Variants in PDE4B observed in about 807,000 individuals in gnomAD.
The protein encoded by PDE4B is phosphodiesterase 4B, also known as 3',5'-cyclic-AMP phosphodiesterase 4B.
PDE4B carries 20 observed loss-of-function variants against 82.2 expected under a neutral mutation model. That is an observed-to-expected ratio of 0.24 (90% CI 0.17 to 0.35). The LOEUF (loss-of-function observed/expected upper bound fraction) is 0.35, where lower values mean the gene tolerates loss of function less well. PDE4B is among the 10% of genes least tolerant of loss of function. The pLI, the probability that PDE4B is intolerant of heterozygous loss-of-function variation, is 1.00. For synonymous variants in PDE4B, 320 were observed against 318.9 expected, an observed-to-expected ratio of 1.00 and a Z score of -0.04; for missense variants, 655 against 907.2, an observed-to-expected ratio of 0.72 and a Z score of 3.57.
chr1:66,033,060 T>C (rs551343804), intron 3 of PDE4B, among the ~76,000 whole-genome samples: 1 of 152,316 alleles, frequency 6.6e-6, no homozygotes, highest in Admixed American at 6.5e-5. Context: ...CCGCGTTTTA[T>C]TTATGATATT....
chr1:66,334,740 A>G (rs768010551), intron 8 of PDE4B, among the ~76,000 whole-genome samples: 3 of 152,246 alleles, frequency 2.0e-5, no homozygotes, highest in Non-Finnish European at 4.4e-5. Flanking sequence ...ACTACCTTTA[A>G]AAAATTATTG....
At chr1:66,034,572 G>T (rs1570043143) in intron 3 of PDE4B, among the ~76,000 whole-genome samples, 1 of 152,260 alleles carries the variant, frequency 6.6e-6, no homozygotes, top group East Asian at 1.9e-4. Flanking sequence ...AACATTAAAA[G>T]GGCAGAAAAG....
chr1:66,090,621 ATGTG>A (rs146947689), intron 3 of PDE4B, among the ~76,000 whole-genome samples: 1,708 of 122,714 alleles, frequency 0.014, 26 homozygotes, highest in Non-Finnish European at 0.02. Flanking sequence ...TATATAATAT[ATGTG>A]TGTGTGTGTG....
At chr1:66,013,298 A>G (rs1652591451) in intron 3 of PDE4B, among the ~76,000 whole-genome samples, 1 of 152,136 alleles carries the variant, frequency 6.6e-6, no homozygotes, top group Non-Finnish European at 1.5e-5. Context: ...GTGAATCATA[A>G]TGGTAGCCAG....
chr1:66,280,743 C>A (rs1656233332), intron 7 of PDE4B, among the ~76,000 whole-genome samples: 1 of 152,138 alleles, frequency 6.6e-6, no homozygotes, highest in Non-Finnish European at 1.5e-5. Context: ...CCTTCTAAAG[C>A]CACAATGCCG....
intron 3 of PDE4B, among the ~76,000 whole-genome samples, chr1:66,186,626 GCT>G (rs1036200025): frequency 6.6e-6 from 1 of 151,462 alleles, no homozygotes; most frequent in African/African-American, 2.4e-5. Flanking sequence ...TCATGATTTG[GCT>G]CTGTTTGTCT....
intron 4 of PDE4B, among the ~76,000 whole-genome samples, chr1:66,251,380 T>G (rs1049715432): frequency 6.6e-6 from 1 of 152,180 alleles, no homozygotes; most frequent in Non-Finnish European, 1.5e-5. Flanking sequence ...ATATCCAGTA[T>G]GTAAACAGAC....
intron 3 of PDE4B, among the ~76,000 whole-genome samples, chr1:66,199,000 C>T (rs1648610012): frequency 6.6e-6 from 1 of 151,908 alleles, no homozygotes; most frequent in African/African-American, 2.4e-5. Context: ...TTTCTTAATC[C>T]AGTCTATCGT....
chr1:65,925,804 G>A (rs1647465360), intron 3 of PDE4B, among the ~76,000 whole-genome samples: 1 of 152,134 alleles, frequency 6.6e-6, no homozygotes, highest in South Asian at 2.1e-4. Flanking sequence ...CAGGTCTCTA[G>A]GGGCACTGGG....
chr1:66,371,077 TATAC>T (rs1277944184), intron 16 of PDE4B, among the ~76,000 whole-genome samples: 3 of 133,854 alleles, frequency 2.2e-5, no homozygotes, highest in South Asian at 2.4e-4. Context: ...TATATATATA[TATAC>T]ACACACATCA....
At chr1:65,882,702 G>C (rs1204341494) in intron 1 of PDE4B, among the ~76,000 whole-genome samples, 1 of 151,986 alleles carries the variant, frequency 6.6e-6, no homozygotes, top group African/African-American at 2.4e-5. Context: ...GTGTGTGTGT[G>C]TGTGTACAGG....
chr1:66,235,297 A>T (rs1045717128), intron 3 of PDE4B, among the ~76,000 whole-genome samples: 1 of 152,156 alleles, frequency 6.6e-6, no homozygotes, highest in African/African-American at 2.4e-5. Flanking sequence ...TTGTTCCATC[A>T]ATTATTGAGG....
chr1:66,127,960 G>T (rs1295886145), intron 3 of PDE4B, among the ~76,000 whole-genome samples: 1 of 151,948 alleles, frequency 6.6e-6, no homozygotes, highest in East Asian at 1.9e-4. Flanking sequence ...AGAGTTCTTA[G>T]GTAATTCTAT....
intron 1 of PDE4B, among the ~76,000 whole-genome samples, chr1:65,830,894 G>T (rs1646074733): frequency 6.6e-6 from 1 of 152,072 alleles, no homozygotes; most frequent in African/African-American, 2.4e-5. Flanking sequence ...AGAAAACTAG[G>T]TGATGGGTAC....
chr1:66,130,548 A>C (rs188443876), intron 3 of PDE4B, among the ~76,000 whole-genome samples: 16 of 152,278 alleles, frequency 1.1e-4, no homozygotes, highest in Admixed American at 9.2e-4. Flanking sequence ...GCTGTCCCCA[A>C]ATGTTGGCAG....
intron 3 of PDE4B, among the ~76,000 whole-genome samples, chr1:65,973,583 A>C (rs538666391): frequency 1.7e-4 from 26 of 152,312 alleles, no homozygotes; most frequent in African/African-American, 6.0e-4. Flanking sequence ...TTTTGCTACT[A>C]ATTTATGTTT....
intron 1 of PDE4B, among the ~76,000 whole-genome samples, chr1:65,857,905 C>G (rs879634251): frequency 6.8e-6 from 1 of 146,608 alleles, no homozygotes; most frequent in East Asian, 2.0e-4. Context: ...TTTTTTTTCT[C>G]TCTAGACTTC....
At position 66,234,026 on chromosome 1, in the gene PDE4B, T is replaced by C. The variant is rs535013097; in HGVS notation, c.282-13434T>C. ...AGAAACCCTGACCTTATACAGTGAGTTGAGAAATATTCCCTCCTCTTCAAT... is the reference window on the plus strand; with the variant it reads ...AGAAACCCTGACCTTATACAGTGAGCTGAGAAATATTCCCTCCTCTTCAAT... On this transcript the variant is annotated intron_variant, in intron 3 of 16. Coordinates refer to ENST00000341517, the MANE Select transcript of PDE4B (RefSeq NM_002600.4). 2.6e-5 allele frequency among the ~76,000 whole-genome samples: 4 copies of C among 152,304 alleles called. No homozygotes were observed. The South Asian group carries it at 8.3e-4, about 32-fold the overall frequency.
chr1:66,264,642 G>T (rs1449720785), intron 6 of PDE4B, among the ~76,000 whole-genome samples: 1 of 152,140 alleles, frequency 6.6e-6, no homozygotes, highest in Non-Finnish European at 1.5e-5. Flanking sequence ...ATTAATGGTA[G>T]ATGTGGACCC....
Sources: allele counts gnomAD v4.1 joint callset (sites outside exome capture counted in the v4.1 genomes callset), GRCh38; gene constraint gnomAD v4.1.1; transcripts MANE v1.5; gene names NCBI Gene and HGNC (gene_info 2026-07-23, HGNC 2026-07-21).